Variants in PLEKHA1 observed in about 807,000 individuals in gnomAD.
PLEKHA1 encodes the protein pleckstrin homology domain-containing family A member 1.
A neutral mutation model predicts 52.0 loss-of-function variants in PLEKHA1; 34 were observed. The observed-to-expected ratio is 0.65, with a 90% CI of 0.50 to 0.87. PLEKHA1 has a LOEUF of 0.87. PLEKHA1 is among the 40% of genes least tolerant of loss of function. The pLI is 0.00. For synonymous variants in PLEKHA1, 163 were observed against 170.7 expected (o/e 0.95, Z 0.35); for missense variants, 497 against 504.2 (o/e 0.99, Z 0.14).
At chr10:122,423,445 A>G (rs2097292713) in intron 8 of PLEKHA1, 2 of 152,286 alleles carry the variant, frequency 1.3e-5, no homozygotes, top group South Asian at 4.1e-4. Flanking sequence ...AAAAACAAAA[A>G]AAACAACAAC....
chr10:122,411,464 C>A (rs997680031), intron 5 of PLEKHA1, among the ~76,000 whole-genome samples: 2 of 152,152 alleles, frequency 1.3e-5, no homozygotes, highest in Non-Finnish European at 2.9e-5. Flanking sequence ...GCATTGTATA[C>A]CCTCTTTTCT....
At chr10:122,391,648 A>G (rs902015533) in intron 1 of PLEKHA1, among the ~76,000 whole-genome samples, 2 of 151,804 alleles carry the variant, frequency 1.3e-5, no homozygotes, top group East Asian at 1.9e-4. Context: ...CCACTGATCT[A>G]TGTCTATTCT....
intron 1 of PLEKHA1, among the ~76,000 whole-genome samples, chr10:122,378,661 G>T (rs1375687925): frequency 2.6e-5 from 4 of 151,606 alleles, no homozygotes; most frequent in Admixed American, 1.3e-4. Flanking sequence ...CCTTGAGCCT[G>T]GGAGGCAGAG....
At chr10:122,408,909 A>C (rs1235465189) in intron 5 of PLEKHA1, among the ~76,000 whole-genome samples, 1 of 152,212 alleles carries the variant, frequency 6.6e-6, no homozygotes, top group African/African-American at 2.4e-5. Context: ...CATTTTGGTC[A>C]ACTCTAATTT....
At chr10:122,416,076 T>A in intron 7 of PLEKHA1, 74 bp downstream of exon 7, 5 of 1,460,136 alleles carry the variant, frequency 3.4e-6, no homozygotes, top group Non-Finnish European at 2.8e-6. Flanking sequence ...AACATGGAAA[T>A]TGTTTGCTTT....
chr10:122,377,671 C>T (rs1014661317), intron 1 of PLEKHA1, among the ~76,000 whole-genome samples: 3 of 152,150 alleles, frequency 2.0e-5, no homozygotes, highest in Non-Finnish European at 2.9e-5. Flanking sequence ...TTTGTTATAG[C>T]ACTAGAACTC....
At chr10:122,414,555 C>CAAAG (rs1468359415) in intron 6 of PLEKHA1, among the ~76,000 whole-genome samples, 4 of 151,970 alleles carry the variant, frequency 2.6e-5, no homozygotes, top group Non-Finnish European at 5.9e-5. Flanking sequence ...ACATGTCCAA[C>CAAAG]AAAGGACTTT....
At chr10:122,407,878 A>G (rs1274476193) in intron 5 of PLEKHA1, among the ~76,000 whole-genome samples, 2 of 152,252 alleles carry the variant, frequency 1.3e-5, no homozygotes, top group Non-Finnish European at 2.9e-5. Flanking sequence ...TCTAAAATGA[A>G]TAATTTCCTA....
At chr10:122,439,846 C>T in the PLEKHA1 span, 1 of 152,174 alleles carries the variant, frequency 6.6e-6, no homozygotes, top group Non-Finnish European at 1.5e-5. Flanking sequence ...TTGACAACCT[C>T]CTCATTTCCT....
intron 5 of PLEKHA1, chr10:122,412,015 A>G (rs1269562401): frequency 1.3e-5 from 2 of 152,224 alleles, no homozygotes; most frequent in Admixed American, 1.3e-4. Flanking sequence ...TTAAAAATGT[A>G]TAATTTAAAT....
At chr10:122,404,228 T>A (rs1177351326) in intron 4 of PLEKHA1, among the ~76,000 whole-genome samples, 1 of 152,162 alleles carries the variant, frequency 6.6e-6, no homozygotes, top group East Asian at 1.9e-4. Flanking sequence ...TTGGATTGAT[T>A]CCAGACTGAT....
intron 1 of PLEKHA1, among the ~76,000 whole-genome samples, chr10:122,377,683 C>T (rs2096556893): frequency 6.6e-6 from 1 of 152,164 alleles, no homozygotes; most frequent in Non-Finnish European, 1.5e-5. Flanking sequence ...CTAGAACTCT[C>T]TTACACTTAC....
At chr10:122,387,264 CTAATAAAAATATCT>C (rs2096712816) in intron 1 of PLEKHA1, 1 of 151,992 alleles carries the variant, frequency 6.6e-6, no homozygotes, top group East Asian at 1.9e-4. Context: ...TAGACCTTTT[CTAATAAAAATATCT>C]TAAGACTATA....
intron 11 of PLEKHA1, chr10:122,428,231 C>T (rs1405896273): frequency 6.8e-7 from 1 of 1,470,924 alleles, no homozygotes; most frequent in Non-Finnish European, 9.1e-7. Flanking sequence ...CCTCCCTCTA[C>T]CCAGTATAGG....
chr10:122,401,863 C>T (rs1177309046), intron 4 of PLEKHA1, among the ~76,000 whole-genome samples: 1 of 152,130 alleles, frequency 6.6e-6, no homozygotes, highest in Non-Finnish European at 1.5e-5. Flanking sequence ...GTTCTTTGCT[C>T]TCTTTTGCTT....
intron 1 of PLEKHA1, among the ~76,000 whole-genome samples, chr10:122,392,019 G>T (rs568037295): frequency 2.6e-5 from 4 of 152,108 alleles, no homozygotes; most frequent in African/African-American, 4.8e-5. Context: ...AGATGTGATG[G>T]TGCCAGCTAT....
At chr10:122,402,451 G>A (rs2096943037) in intron 4 of PLEKHA1, among the ~76,000 whole-genome samples, 1 of 152,196 alleles carries the variant, frequency 6.6e-6, no homozygotes, top group South Asian at 2.1e-4. Flanking sequence ...ATTTTTGATG[G>A]AGGGAGCAGA....
At chr10:122,407,751 C>T (rs775966012) in intron 5 of PLEKHA1, among the ~76,000 whole-genome samples, 115 of 151,870 alleles carry the variant, frequency 7.6e-4, no homozygotes, top group African/African-American at 2.5e-3. Context: ...GTGTCAATTG[C>T]GTTTTTGTTT....
Position 122,429,848 on chromosome 10 carries a change from G to C in PLEKHA1, c.1125G>C (p.Leu375=). 6.2e-7 allele frequency: 1 copy of C among 1,614,182 alleles called. No individual in the cohort carries two copies. Among genetic ancestry groups the C allele is most frequent in the Non-Finnish European group, 8.5e-7 (1 of 1,180,034 alleles). Reference sequence around the variant, plus strand: ...CTTCCAAAGTGACTGAACAAGCTCTGTTAAGACCTCAAAGTAAAAATGGCC... The same window carrying C: ...CTTCCAAAGTGACTGAACAAGCTCTCTTAAGACCTCAAAGTAAAAATGGCC... ...EPASKVTEQA[L]LRPQSKNGPQ... Residue 375 remains leucine (L), a synonymous_variant, in exon 12 of 12, where the codon CTG becomes CTC. Transcript: ENST00000368990.
Sources: gnomAD v4.1 joint callset for allele counts (sites outside exome capture counted in the v4.1 genomes callset) on GRCh38, gnomAD v4.1.1 for gene constraint, MANE v1.5 for transcripts, NCBI Gene and HGNC (gene_info 2026-07-23, HGNC 2026-07-21) for gene names.